The following FRMPD1 variants were observed in gnomAD, a reference collection of about 807,000 sequenced individuals.
The protein encoded by FRMPD1 is FERM and PDZ domain containing 1, also known as FERM and PDZ domain-containing protein 1.
In FRMPD1, 76 loss-of-function variants were observed where a neutral mutation model predicts 117.8. That is an observed-to-expected ratio of 0.65 (90% confidence interval 0.54 to 0.78). FRMPD1 has a LOEUF of 0.78. FRMPD1 is among the 30% of genes least tolerant of loss of function. The pLI is 0.00. For synonymous variants in FRMPD1, 783 were observed against 770.4 expected (o/e 1.02, Z -0.27); for missense variants, 1,786 against 1,964.5 (o/e 0.91, Z 1.72).
rs374356516 is a variant in FRMPD1, at chr9:37,733,505, C to T, written c.1028C>T (p.Pro343Leu). 1.2e-6 allele frequency: 2 copies of T among 1,613,526 alleles called. No homozygotes were observed. The highest frequency in any genetic ancestry group is 1.7e-5 in the Admixed American group (1 of 59,978). ...KDWGIENFISPTLLRNMKGKD... is the reference protein window; with the variant it reads ...KDWGIENFISLTLLRNMKGKD... Reference sequence around the variant, plus strand: ...TGGGGAATAGAGAACTTTATATCTCCAACTTTACTCCGAAACATGAAAGGC... The same window carrying T: ...TGGGGAATAGAGAACTTTATATCTCTAACTTTACTCCGAAACATGAAAGGC... Residue 343 changes from proline to leucine, a missense_variant, in exon 11 of 16, where the codon CCA becomes CTA. Physicochemically the swap from Pro to Leu is moderately conservative, Grantham distance 98. Coordinates refer to ENST00000377765, the MANE Select transcript of FRMPD1 (RefSeq NM_014907.3).
Position 37,745,542 on chromosome 9 carries a change from C to G in FRMPD1, c.3510C>G (p.Thr1170=). 6.2e-7 allele frequency: 1 copy of G among 1,613,972 alleles called. No individual in the cohort carries two copies. The highest frequency in any genetic ancestry group is 8.5e-7 in the Non-Finnish European group (1 of 1,179,954). The change falls in exon 16 of 16, where the codon ACC becomes ACG. Residue 1170 remains threonine, a synonymous_variant. Transcript: ENST00000377765. ...CTTTAGATGCTCCTGTAACAGGGACCGAGCAGATCCCACCACATCCCCCTA... is the reference window on the plus strand; with the variant it reads ...CTTTAGATGCTCCTGTAACAGGGACGGAGCAGATCCCACCACATCCCCCTA... ...SLSLDAPVTG[T]EQIPPHPPRD... is the part of the protein sequence containing the mutation.
chr9:37,667,015 T>C (rs1821180608), intron 1 of FRMPD1, among the ~76,000 whole-genome samples: 1 of 149,684 alleles, frequency 6.7e-6, no homozygotes, highest in Non-Finnish European at 1.5e-5. Context: ...ATTCCTCTCT[T>C]ATGGTGTTCT....
At chr9:37,673,590 C>G (rs968510152) in intron 1 of FRMPD1, among the ~76,000 whole-genome samples, 1 of 152,248 alleles carries the variant, frequency 6.6e-6, no homozygotes, top group Non-Finnish European at 1.5e-5. Context: ...CCCACATTTC[C>G]CTTCCGCACT....
chr9:37,628,652 C>T, the FRMPD1 span, among the ~76,000 whole-genome samples: 3 of 152,212 alleles, frequency 2.0e-5, no homozygotes, highest in African/African-American at 7.2e-5. Context: ...CTAACCATGC[C>T]TCTCTGGCTG....
At chr9:37,724,497 A>AT (rs1322730701) in intron 7 of FRMPD1, among the ~76,000 whole-genome samples, 177 bp downstream of exon 7, 3 of 152,152 alleles carry the variant, frequency 2.0e-5, no homozygotes, top group Admixed American at 1.3e-4. Flanking sequence ...ACCCAGAAAG[A>AT]TGGTCTTTTT....
intron 6 of FRMPD1, among the ~76,000 whole-genome samples, chr9:37,720,864 C>A (rs548159002): frequency 6.6e-6 from 1 of 152,194 alleles, no homozygotes; most frequent in Admixed American, 6.5e-5. Flanking sequence ...TTCAGCCTGG[C>A]GACAGAGTGA....
intron 1 of FRMPD1, among the ~76,000 whole-genome samples, chr9:37,690,172 T>A (rs1328007767): frequency 6.6e-6 from 1 of 152,092 alleles, no homozygotes; most frequent in Non-Finnish European, 1.5e-5. Context: ...ACACTTATTG[T>A]CTTTTATGTT....
At chr9:37,705,552 T>C (rs2118133269) in intron 2 of FRMPD1, among the ~76,000 whole-genome samples, 1 of 152,318 alleles carries the variant, frequency 6.6e-6, no homozygotes, top group East Asian at 1.9e-4. Flanking sequence ...TAGCCTCAGC[T>C]TCCCTAAGTG....
At chr9:37,724,020 A>T (rs956815445) in intron 6 of FRMPD1, among the ~76,000 whole-genome samples, 9 of 151,548 alleles carry the variant, frequency 5.9e-5, no homozygotes, top group Non-Finnish European at 8.8e-5. Context: ...AAAATAAAAA[A>T]AAATAAAAGC....
At position 37,733,771 on chromosome 9, in the gene FRMPD1, G is replaced by C. The variant is rs764295228; in HGVS notation, c.1164G>C (p.Gln388His). The C allele has an allele frequency of 6.2e-7, 1 of 1,607,908 alleles. No individual in the cohort carries two copies. Among genetic ancestry groups the C allele is most frequent in the East Asian group, 2.2e-5 (1 of 44,844 alleles). ...SAAQLRLNYLQILGELKTYGG... is the reference protein window; with the variant it reads ...SAAQLRLNYLHILGELKTYGG... ...CCCAGCTACGTTTAAATTATCTACA[G>C]ATCCTCGGAGAACTCAAGACATATG... The change falls in exon 12 of 16, where the codon CAG becomes CAC. Residue 388 changes from glutamine (Q) to histidine (H), a missense_variant. By Grantham distance (24) the Gln-to-His change is conservative. Transcript: ENST00000377765.
chr9:37,723,474 G>A (rs1482207976), intron 6 of FRMPD1, among the ~76,000 whole-genome samples: 1 of 152,220 alleles, frequency 6.6e-6, no homozygotes, highest in African/African-American at 2.4e-5. Flanking sequence ...CCCTGACATG[G>A]TGAGGAGGTT....
chr9:37,699,032 C>T (rs1371870918), intron 2 of FRMPD1, among the ~76,000 whole-genome samples: 4 of 151,942 alleles, frequency 2.6e-5, no homozygotes, highest in African/African-American at 4.8e-5. Context: ...AGCCACCACA[C>T]CCGGCCTAAT....
intron 1 of FRMPD1, among the ~76,000 whole-genome samples, chr9:37,667,817 CG>C (rs1336183203): frequency 6.6e-6 from 1 of 152,030 alleles, no homozygotes; most frequent in Non-Finnish European, 1.5e-5. Flanking sequence ...GTCCATGAGC[CG>C]GCATGAGGGC....
Position 37,740,229 on chromosome 9 carries a change from G to T in FRMPD1, c.1701G>T (p.Glu567Asp). The T allele has an allele frequency of 6.2e-7, 1 of 1,614,026 alleles. No homozygotes were observed. Among genetic ancestry groups the T allele is most frequent in the Non-Finnish European group, 8.5e-7 (1 of 1,179,982 alleles). Residue 567 changes from glutamate to aspartate, a missense_variant, in exon 15 of 16, where the codon GAG becomes GAT. By Grantham distance (45) the Glu-to-Asp change is conservative. Transcript: ENST00000377765. This position sits in a 1 kb window ranked among gnomAD's most constrained non-coding sequence, Gnocchi z 4.2. ...EQPPGNSPTPEVARRGPSTCG... is the reference protein window; with the variant it reads ...EQPPGNSPTPDVARRGPSTCG... ...CTCCTGGGAACAGCCCCACACCTGA[G>T]GTGGCTAGGAGGGGCCCCAGCACCT...
At chr9:37,617,259 G>A in the FRMPD1 span, among the ~76,000 whole-genome samples, 1 of 152,216 alleles carries the variant, frequency 6.6e-6, no homozygotes, top group Admixed American at 6.5e-5. Context: ...CTCAGAATGA[G>A]ATGTTACAAT....
At chr9:37,735,428 G>T (rs1004105908) in intron 12 of FRMPD1, 124 bp from the exon 13 acceptor site, 3 of 701,038 alleles carry the variant, frequency 4.3e-6, no homozygotes, top group Non-Finnish European at 5.0e-6. Context: ...TAGTCTGGAG[G>T]AGTGGTGGTT....
chr9:37,727,178 T>C (rs1823651348), intron 7 of FRMPD1, among the ~76,000 whole-genome samples: 1 of 152,042 alleles, frequency 6.6e-6, no homozygotes. Flanking sequence ...CTAAGGAGTT[T>C]GGATTTTGGC....
rs750713986 is a variant in FRMPD1 at position 37,746,578 on chromosome 9, C to T, written c.4546C>T (p.Arg1516Trp). 1.8e-5 allele frequency: 29 copies of T among 1,613,700 alleles called. No individual in the cohort carries two copies. Among genetic ancestry groups the T allele is most frequent in the Middle Eastern group, 3.3e-4 (2 of 6,084 alleles). ...CACAGACTGTAGCCGCTGCTCCGCC[C>T]GGCACAGGGAGGCAGCGGGGAACCT... ...QFTDCSRCSA[R>W]HREAAGNLRD... The change falls in exon 16 of 16, where the codon CGG becomes TGG. Residue 1516 changes from arginine to tryptophan, a missense_variant. Transcript: ENST00000377765.
At chr9:37,736,858 A>AGTGTGT (rs60521691) in intron 13 of FRMPD1, among the ~76,000 whole-genome samples, 19 of 148,196 alleles carry the variant, frequency 1.3e-4, no homozygotes, top group Middle Eastern at 6.9e-3. Context: ...AGTGCGTGAG[A>AGTGTGT]GTGTGTGTGT....
Sources: allele counts gnomAD v4.1 joint callset (sites outside exome capture counted in the v4.1 genomes callset), GRCh38; gene constraint gnomAD v4.1.1; non-coding constraint Gnocchi (gnomAD v3.1); transcripts MANE v1.5; gene names NCBI Gene and HGNC (gene_info 2026-07-23, HGNC 2026-07-21).